The following CNTNAP2 variants were observed in gnomAD, a reference collection of about 807,000 sequenced individuals.
CNTNAP2 encodes the protein contactin-associated protein-like 2.
A neutral mutation model predicts 155.2 loss-of-function variants in CNTNAP2; 98 were observed. The ratio of observed to expected loss-of-function variants is 0.63; its 90% CI spans 0.54 to 0.75. CNTNAP2 has a LOEUF of 0.75. Among genes scored for constraint, CNTNAP2 ranks in the 30% least tolerant of loss-of-function variants. The pLI is 0.00. For missense variants in CNTNAP2, 1,727 were observed against 1,688.1 expected, an observed-to-expected ratio of 1.02 and a Z score of -0.40; for synonymous variants, 651 against 631.2, an observed-to-expected ratio of 1.03 and a Z score of -0.47.
chr7:147,917,295 G>C (rs1241078156), intron 14 of CNTNAP2, among the ~76,000 whole-genome samples: 1 of 152,186 alleles, frequency 6.6e-6, no homozygotes, highest in Non-Finnish European at 1.5e-5. Context: ...GTGTAGCCAA[G>C]GTTAAAAACC....
chr7:146,364,874 T>C (rs954003533), intron 1 of CNTNAP2, among the ~76,000 whole-genome samples: 3 of 152,242 alleles, frequency 2.0e-5, no homozygotes, highest in African/African-American at 7.2e-5. Context: ...TGATTAAAAA[T>C]AGCAGTGGCA....
intron 21 of CNTNAP2, among the ~76,000 whole-genome samples, chr7:148,285,488 T>C (rs985260308): frequency 1.3e-5 from 2 of 152,254 alleles, no homozygotes; most frequent in African/African-American, 4.8e-5. Flanking sequence ...TTTAACAGAC[T>C]GTCTTTCAGT....
intron 3 of CNTNAP2, among the ~76,000 whole-genome samples, chr7:146,990,440 T>C (rs1255588160): frequency 6.6e-6 from 1 of 152,144 alleles, no homozygotes; most frequent in Admixed American, 6.5e-5. Context: ...TTAAGTTCCT[T>C]TAACCTTCTT....
intron 11 of CNTNAP2, among the ~76,000 whole-genome samples, chr7:147,520,553 C>T (rs377060421): frequency 6.6e-6 from 1 of 152,162 alleles, no homozygotes; most frequent in African/African-American, 2.4e-5. Flanking sequence ...GTTTCTGAGA[C>T]ACAGGTACTC....
chr7:146,863,679 T>C (rs1047906351), intron 3 of CNTNAP2, among the ~76,000 whole-genome samples: 2 of 152,122 alleles, frequency 1.3e-5, no homozygotes, highest in African/African-American at 4.8e-5. Flanking sequence ...ACCAACCAAG[T>C]ATTTAACCTT....
intron 1 of CNTNAP2, among the ~76,000 whole-genome samples, chr7:146,727,691 A>G (rs1801454757): frequency 6.6e-6 from 1 of 152,214 alleles, no homozygotes; most frequent in Admixed American, 6.5e-5. Flanking sequence ...TTATGTAAGA[A>G]CATTCTCAAA....
At chr7:146,847,998 A>C (rs1011267246) in intron 3 of CNTNAP2, among the ~76,000 whole-genome samples, 1 of 152,196 alleles carries the variant, frequency 6.6e-6, no homozygotes, top group African/African-American at 2.4e-5. Context: ...TCTTAGGCCA[A>C]CTGAAAAGGG....
At chr7:146,662,926 T>C (rs1202071730) in intron 1 of CNTNAP2, among the ~76,000 whole-genome samples, 1 of 152,192 alleles carries the variant, frequency 6.6e-6, no homozygotes, top group East Asian at 1.9e-4. Context: ...TTCCTTTGTC[T>C]ATATTTATGT....
chr7:148,330,356 CAGATGGAATGGATGGAT>C (rs1474796842), intron 21 of CNTNAP2, among the ~76,000 whole-genome samples: 1 of 143,244 alleles, frequency 7.0e-6, no homozygotes, highest in African/African-American at 2.6e-5. Flanking sequence ...ATGGAGTGGA[CAGATGGAATGGATGGAT>C]AGATGGAGTG....
chr7:146,300,744 C>T (rs575658786), intron 1 of CNTNAP2, among the ~76,000 whole-genome samples: 157 of 152,028 alleles, frequency 1.0e-3, no homozygotes, highest in Middle Eastern at 3.4e-3. Flanking sequence ...TTCATAAAAT[C>T]TGAAGAAATA....
intron 13 of CNTNAP2, among the ~76,000 whole-genome samples, chr7:147,755,566 T>C (rs1415697046): frequency 6.6e-6 from 1 of 152,138 alleles, no homozygotes; most frequent in African/African-American, 2.4e-5. Context: ...GGCAGGAGAA[T>C]TGCTGAACCC....
At chr7:146,508,264 G>A (rs1020011480) in intron 1 of CNTNAP2, among the ~76,000 whole-genome samples, 18 of 152,286 alleles carry the variant, frequency 1.2e-4, no homozygotes, top group African/African-American at 3.6e-4. Context: ...CCAGTGATAC[G>A]TATGTCCACC....
chr7:146,406,346 T>A (rs1239929670), intron 1 of CNTNAP2, among the ~76,000 whole-genome samples: 1 of 152,234 alleles, frequency 6.6e-6, no homozygotes, highest in Non-Finnish European at 1.5e-5. Flanking sequence ...TTTAAAAACA[T>A]ACATGCACAT....
At chr7:146,374,091 A>G (rs866967303) in intron 1 of CNTNAP2, among the ~76,000 whole-genome samples, 4 of 152,160 alleles carry the variant, frequency 2.6e-5, no homozygotes, top group African/African-American at 9.7e-5. Context: ...AGCAAAATAG[A>G]CAAAAAAGAT....
At chr7:147,248,781 G>A (rs1050186194) in intron 8 of CNTNAP2, among the ~76,000 whole-genome samples, 1 of 152,148 alleles carries the variant, frequency 6.6e-6, no homozygotes, top group African/African-American at 2.4e-5. Context: ...GAATGCCTAA[G>A]GTTTAAATTT....
chr7:147,877,385 C>T (rs1799439605), intron 13 of CNTNAP2, among the ~76,000 whole-genome samples: 1 of 152,074 alleles, frequency 6.6e-6, no homozygotes, highest in Admixed American at 6.6e-5. Flanking sequence ...ATTATGAACA[C>T]CATATGGGGA....
At chr7:146,663,096 G>A (rs1333375484) in intron 1 of CNTNAP2, among the ~76,000 whole-genome samples, 2 of 151,940 alleles carry the variant, frequency 1.3e-5, no homozygotes, top group Non-Finnish European at 2.9e-5. Context: ...TGGCCAATAT[G>A]GTGAAATCCC....
intron 3 of CNTNAP2, among the ~76,000 whole-genome samples, chr7:146,978,700 C>CAT (rs934981525): frequency 7.3e-5 from 11 of 150,726 alleles, no homozygotes; most frequent in Admixed American, 2.0e-4. Context: ...ATAATAAGAT[C>CAT]ATATATATAT....
chr7:146,971,840 A>G (rs981272147), intron 3 of CNTNAP2, among the ~76,000 whole-genome samples: 8 of 152,186 alleles, frequency 5.3e-5, no homozygotes, highest in African/African-American at 1.9e-4. Flanking sequence ...TTTGAACTAC[A>G]ATATATGAAT....
Sources: allele counts gnomAD v4.1 joint callset (sites outside exome capture counted in the v4.1 genomes callset), GRCh38; gene constraint gnomAD v4.1.1; transcripts MANE v1.5; gene names NCBI Gene and HGNC (gene_info 2026-07-23, HGNC 2026-07-21).